RANBP17: variants seen among roughly 807,000 people sequenced by gnomAD.
RANBP17 encodes ran-binding protein 17.
A neutral mutation model predicts 141.2 loss-of-function variants in RANBP17; 158 were observed. That is an observed-to-expected ratio of 1.12 (90% CI 0.98 to 1.28). RANBP17 has a LOEUF of 1.28. Ranked by LOEUF, RANBP17 falls within the 50% of genes most tolerant of loss-of-function variation. The probability of loss-of-function intolerance (pLI) is 0.00; values close to 1 mark genes in which losing one functional copy is unlikely to be tolerated. For synonymous variants in RANBP17, 430 were observed against 450.0 expected (o/e 0.96, Z 0.56); for missense variants, 1,438 against 1,290.7 (o/e 1.11, Z -1.75).
At chr5:171,097,552 T>C (rs1161932310) in intron 14 of RANBP17, among the ~76,000 whole-genome samples, 1 of 151,016 alleles carries the variant, frequency 6.6e-6, no homozygotes, top group East Asian at 1.9e-4. Context: ...AGAAATTAAG[T>C]CTATCAATAG....
intron 23 of RANBP17, among the ~76,000 whole-genome samples, chr5:171,241,460 A>G (rs1764872838): frequency 6.6e-6 from 1 of 152,062 alleles, no homozygotes; most frequent in Non-Finnish European, 1.5e-5. Flanking sequence ...TAAAATCTGG[A>G]AGGCCTTTGT....
intron 14 of RANBP17, among the ~76,000 whole-genome samples, chr5:171,167,905 G>A (rs1476186261): frequency 3.9e-5 from 6 of 152,136 alleles, no homozygotes; most frequent in African/African-American, 1.2e-4. Context: ...TGTAATTTAC[G>A]ATTCTATGTA....
At position 171,299,008 on chromosome 5, in the gene RANBP17, C is replaced by G; in HGVS notation, c.*150C>G. ...AAGCCCTAACTTCTTATACGTCTAG[C>G]CTAATTATAAGAATTTCTAACAGTA... On this transcript the variant is annotated 3_prime_UTR_variant, in exon 28 of 28. Coordinates refer to ENST00000523189, the MANE Select transcript of RANBP17 (RefSeq NM_022897.5). 2 of 501,878 alleles carry G rather than the reference C, an allele frequency of 4.0e-6. No individual in the cohort carries two copies. Among genetic ancestry groups the G allele is most frequent in the South Asian group, 3.5e-5 (1 of 28,978 alleles). The allele number at this position is 501,878 out of a possible 1,614,324, so 31.1% of individuals were successfully genotyped here.
chr5:171,154,588 T>A (rs1329917014), intron 14 of RANBP17, among the ~76,000 whole-genome samples: 2 of 152,198 alleles, frequency 1.3e-5, no homozygotes, highest in East Asian at 3.9e-4. Flanking sequence ...CCAAGATTAT[T>A]TTATGTATAT....
chr5:171,006,262 T>G (rs1448017770), intron 14 of RANBP17, among the ~76,000 whole-genome samples: 1 of 152,152 alleles, frequency 6.6e-6, no homozygotes, highest in Non-Finnish European at 1.5e-5. Flanking sequence ...ACCCAAAGAA[T>G]TATAAAACAT....
At position 170,918,767 on chromosome 5, in the gene RANBP17, A is replaced by G; in HGVS notation, c.1009A>G (p.Lys337Glu). 6.2e-7 allele frequency: 1 copy of G among 1,607,866 alleles called. No homozygotes were observed. The highest frequency in any genetic ancestry group is 8.5e-7 in the Non-Finnish European group (1 of 1,176,530). The change falls in exon 10 of 28, where the codon AAG (lysine) becomes GAG (glutamate). Residue 337 changes from lysine to glutamate, a missense_variant. By Grantham distance (56) the Lys-to-Glu change is moderately conservative. Coordinates refer to ENST00000523189, the MANE Select transcript of RANBP17 (RefSeq NM_022897.5). ...ATTTTGTCGATTTTTGGCTCGTTTAAAGACAAATTATCAGCTGGGAGAATT... is the reference window on the plus strand; with the variant it reads ...ATTTTGTCGATTTTTGGCTCGTTTAGAGACAAATTATCAGCTGGGAGAATT... The part of the protein sequence containing the change: ...HEFCRFLARL[K>E]TNYQLGELVM...
chr5:170,906,138 T>G (rs1415001648), intron 5 of RANBP17, among the ~76,000 whole-genome samples: 1 of 151,988 alleles, frequency 6.6e-6, no homozygotes, highest in Non-Finnish European at 1.5e-5. Context: ...AATCAGAAAA[T>G]GAACACTGGA....
intron 14 of RANBP17, among the ~76,000 whole-genome samples, chr5:171,107,013 A>T (rs188759691): frequency 2.2e-3 from 306 of 139,490 alleles, no homozygotes; most frequent in African/African-American, 7.2e-3. Context: ...TTTAGGACCC[A>T]CGTATCTTTT....
At chr5:171,167,290 T>TA (rs2127872548) in intron 14 of RANBP17, among the ~76,000 whole-genome samples, 1 of 152,174 alleles carries the variant, frequency 6.6e-6, no homozygotes, top group East Asian at 1.9e-4. Context: ...TTGAAATGTT[T>TA]AAAATCACAT....
chr5:171,008,293 T>TTCCTTGGGCTGGTTGGTCTGA (rs1294636313), intron 14 of RANBP17, among the ~76,000 whole-genome samples: 1 of 152,186 alleles, frequency 6.6e-6, no homozygotes, highest in African/African-American at 2.4e-5. Flanking sequence ...TGGTGAGATG[T>TTCCTTGGGCTGGTTGGTCTGA]TCCTTGGGCT....
At chr5:171,100,974 A>G (rs1787115888) in intron 14 of RANBP17, among the ~76,000 whole-genome samples, 1 of 152,168 alleles carries the variant, frequency 6.6e-6, no homozygotes, top group South Asian at 2.1e-4. Context: ...ACCATTTGTT[A>G]TGATTTCTGT....
In RANBP17 at chr5:171,257,684, TG is replaced by T. The variant is rs1477546241; in HGVS notation, c.2777-7996del. On this transcript the variant is annotated intron_variant, in intron 24 of 27. Coordinates refer to ENST00000523189, the MANE Select transcript of RANBP17 (RefSeq NM_022897.5). ...CTAAAAATTTCAAAAAACTGAGATT[TG>T]ATAAATAAATGCACTAAAGTTGCAG... Among the ~76,000 whole-genome samples, 12 of 152,310 alleles carry T rather than the reference TG, an allele frequency of 7.9e-5. No individual in the cohort carries two copies. The East Asian group carries it at 2.3e-3, about 29-fold the overall frequency.
chr5:170,996,092 C>A (rs1040508068), intron 14 of RANBP17, among the ~76,000 whole-genome samples: 1 of 152,026 alleles, frequency 6.6e-6, no homozygotes, highest in Non-Finnish European at 1.5e-5. Flanking sequence ...CAGTTACCCT[C>A]CATAGCCCCT....
At chr5:171,187,481 AAAC>A (rs1423740581) in intron 18 of RANBP17, among the ~76,000 whole-genome samples, 2 of 152,172 alleles carry the variant, frequency 1.3e-5, no homozygotes, top group Admixed American at 1.3e-4. Context: ...AAGCACAATA[AAAC>A]AAGGTATGCC....
rs1050280768 is a variant in RANBP17, at chr5:171,170,127, C to T, written c.1711-3C>T. The T allele has an allele frequency of 4.7e-6, 7 of 1,493,902 alleles. No individual in the cohort carries two copies. The African/African-American group carries it at 7.1e-5, about 15-fold the overall frequency. The allele number at this position is 1,493,902 out of a possible 1,614,324, so 92.5% of individuals were successfully genotyped here. Reference sequence around the variant, plus strand: ...CTTTTAACAATGAAATGTTTTAATGCAGGTATATGCTCGTATGTCAGAAGT... The same window carrying T: ...CTTTTAACAATGAAATGTTTTAATGTAGGTATATGCTCGTATGTCAGAAGT... On this transcript the variant is annotated splice_polypyrimidine_tract_variant and splice_region_variant and intron_variant, in intron 14 of 27. Transcript: ENST00000523189.
At chr5:170,877,709 A>G (rs1257464365) in intron 1 of RANBP17, among the ~76,000 whole-genome samples, 1 of 152,188 alleles carries the variant, frequency 6.6e-6, no homozygotes, top group Non-Finnish European at 1.5e-5. Context: ...TGAGATGACT[A>G]AATTCCACTC....
chr5:171,149,647 A>G (rs568338165), intron 14 of RANBP17, among the ~76,000 whole-genome samples: 7 of 152,254 alleles, frequency 4.6e-5, no homozygotes, highest in Non-Finnish European at 1.0e-4. Context: ...AATATAGAGT[A>G]TACTCTGCAG....
At chr5:171,152,507 G>A (rs1012100620) in intron 14 of RANBP17, among the ~76,000 whole-genome samples, 7 of 151,430 alleles carry the variant, frequency 4.6e-5, no homozygotes, top group Non-Finnish European at 1.0e-4. Context: ...AATCTTAAAC[G>A]TCACTCTTGT....
At chr5:171,189,060 C>T (rs1761458004) in intron 18 of RANBP17, among the ~76,000 whole-genome samples, 1 of 151,914 alleles carries the variant, frequency 6.6e-6, no homozygotes, top group East Asian at 1.9e-4. Flanking sequence ...ATTTTTAGTT[C>T]AAAGTTTTTT....
Sources: allele counts gnomAD v4.1 joint callset (sites outside exome capture counted in the v4.1 genomes callset), GRCh38; gene constraint gnomAD v4.1.1; transcripts MANE v1.5; gene names NCBI Gene and HGNC (gene_info 2026-07-23, HGNC 2026-07-21).